Variants in PRMT3 observed in about 807,000 individuals in gnomAD.
PRMT3 encodes protein arginine N-methyltransferase 3.
PRMT3 carries 62 observed loss-of-function variants against 71.9 expected under a neutral mutation model. The observed-to-expected ratio is 0.86, with a 90% CI of 0.70 to 1.07. The LOEUF is 1.07. PRMT3 is among the 50% of genes least tolerant of loss of function. The pLI is 0.00. For synonymous variants in PRMT3, 213 were observed against 220.4 expected (o/e 0.97, Z 0.30); for missense variants, 663 against 643.0 (o/e 1.03, Z -0.34).
At chr11:20,439,147 T>C (rs1427972915) in intron 10 of PRMT3, among the ~76,000 whole-genome samples, 1 of 151,950 alleles carries the variant, frequency 6.6e-6, no homozygotes, top group Non-Finnish European at 1.5e-5. Flanking sequence ...CAGGACAGAG[T>C]GTCATTTTCC....
chr11:20,498,759 CTG>C (rs1302618918), intron 15 of PRMT3, among the ~76,000 whole-genome samples: 2 of 152,112 alleles, frequency 1.3e-5, no homozygotes, highest in African/African-American at 2.4e-5. Context: ...TCATCAAAAA[CTG>C]TGTAGGAAAG....
At position 20,395,742 on chromosome 11, in the gene PRMT3, T is replaced by C. The variant is rs1284408258; in HGVS notation, c.401-61T>C. 2.7e-6 allele frequency: 4 copies of C among 1,500,926 alleles called. No homozygotes were observed. The African/African-American group carries it at 5.6e-5, about 21-fold the overall frequency. The allele number at this position is 1,500,926 out of a possible 1,614,324, so 93.0% of individuals were successfully genotyped here. ...ACTTAGGGCGTATTTATTCCTAACA[T>C]ATTTATACTTGTTTTATTGTTATAA... On this transcript the variant is annotated intron_variant, in intron 5 of 15. Transcript: ENST00000331079.
chr11:20,407,157 C>T (rs1299513275), intron 8 of PRMT3: 1 of 152,140 alleles, frequency 6.6e-6, no homozygotes, highest in Non-Finnish European at 1.5e-5. Context: ...TTGATCTTCC[C>T]AGACAGTATC....
At chr11:20,409,654 AACACACAC>A (rs60686099) in intron 9 of PRMT3, among the ~76,000 whole-genome samples, 7,171 of 144,316 alleles carry the variant, frequency 0.05, 224 homozygotes, top group East Asian at 0.17. Flanking sequence ...GGAATACACA[AACACACAC>A]ACACACACAC....
chr11:20,396,869 C>T (rs1449416650), intron 6 of PRMT3, among the ~76,000 whole-genome samples: 1 of 152,208 alleles, frequency 6.6e-6, no homozygotes, highest in Non-Finnish European at 1.5e-5. Flanking sequence ...GTATACCTCA[C>T]AGGCCTTCCT....
intron 13 of PRMT3, among the ~76,000 whole-genome samples, chr11:20,478,323 A>G (rs1850846151): frequency 1.3e-5 from 2 of 151,888 alleles, no homozygotes; most frequent in Non-Finnish European, 2.9e-5. Flanking sequence ...CTGGGCCTAC[A>G]TATTTAGAAT....
intron 13 of PRMT3, among the ~76,000 whole-genome samples, chr11:20,471,343 T>C (rs1476071400): frequency 6.6e-6 from 1 of 152,220 alleles, no homozygotes; most frequent in Non-Finnish European, 1.5e-5. Context: ...GTTTTTATAG[T>C]TTTGGGTTTT....
At chr11:20,403,906 C>T (rs1486460887) in intron 8 of PRMT3, among the ~76,000 whole-genome samples, 1 of 151,896 alleles carries the variant, frequency 6.6e-6, no homozygotes, top group Non-Finnish European at 1.5e-5. Flanking sequence ...TTTAAAAATC[C>T]TTTTTCCTGA....
chr11:20,392,420 A>G (rs1394655974), intron 4 of PRMT3, among the ~76,000 whole-genome samples, 160 bp downstream of exon 4: 1 of 152,228 alleles, frequency 6.6e-6, no homozygotes, highest in African/African-American at 2.4e-5. Flanking sequence ...CACAGCAGAA[A>G]GCACCATGTA....
chr11:20,395,491 G>A (rs1315194237), intron 5 of PRMT3, among the ~76,000 whole-genome samples: 3 of 151,502 alleles, frequency 2.0e-5, no homozygotes, highest in East Asian at 1.9e-4. Flanking sequence ...CTAAAGGCTC[G>A]CATCACCAGA....
intron 13 of PRMT3, among the ~76,000 whole-genome samples, chr11:20,484,138 GC>G (rs1378163901): frequency 6.6e-6 from 1 of 152,150 alleles, no homozygotes; most frequent in East Asian, 1.9e-4. Context: ...TAGATAGCAT[GC>G]CCAGGCATGC....
chr11:20,404,581 T>G (rs1370091853), intron 8 of PRMT3, among the ~76,000 whole-genome samples: 1 of 152,184 alleles, frequency 6.6e-6, no homozygotes, highest in Non-Finnish European at 1.5e-5. Context: ...TTATTTAATG[T>G]TTGTCTAAAA....
chr11:20,484,958 T>C (rs76892306), intron 13 of PRMT3, among the ~76,000 whole-genome samples: 4,624 of 152,328 alleles, frequency 0.03, 233 homozygotes, highest in African/African-American at 0.11. Context: ...TTTTGCCCTA[T>C]AGGCATTTAC....
chr11:20,443,173 C>A (rs1251357732), intron 10 of PRMT3, among the ~76,000 whole-genome samples: 1 of 152,166 alleles, frequency 6.6e-6, no homozygotes, highest in Middle Eastern at 3.2e-3. Context: ...GTTTTTCCTG[C>A]CACCCAGGCA....
chr11:20,502,562 C>CTAA (rs984330746), intron 15 of PRMT3, among the ~76,000 whole-genome samples: 10 of 152,270 alleles, frequency 6.6e-5, no homozygotes, highest in African/African-American at 2.4e-4. Flanking sequence ...ATATCCATTA[C>CTAA]TAATTCATTT....
intron 10 of PRMT3, among the ~76,000 whole-genome samples, chr11:20,448,743 A>G (rs1174214180): frequency 2.0e-5 from 3 of 152,204 alleles, no homozygotes; most frequent in African/African-American, 4.8e-5. Context: ...TCCCACTTCA[A>G]TGAATGAAGT....
chr11:20,480,368 G>C (rs961024023), intron 13 of PRMT3, among the ~76,000 whole-genome samples: 1 of 152,110 alleles, frequency 6.6e-6, no homozygotes, highest in South Asian at 2.1e-4. Flanking sequence ...TTTTTTGCTT[G>C]TATATAGTAC....
At chr11:20,464,622 A>C in intron 13 of PRMT3, 76 bp downstream of exon 13, 1 of 1,573,348 alleles carries the variant, frequency 6.4e-7, no homozygotes, top group East Asian at 2.3e-5. Context: ...TTTAATTACC[A>C]GGCTTGTGAC....
At chr11:20,456,776 A>G (rs563944921) in intron 11 of PRMT3, among the ~76,000 whole-genome samples, 1 of 152,202 alleles carries the variant, frequency 6.6e-6, no homozygotes, top group African/African-American at 2.4e-5. Flanking sequence ...TGAATTTATC[A>G]ATTTGGAATT....
Sources: gnomAD v4.1 joint callset for allele counts (sites outside exome capture counted in the v4.1 genomes callset) on GRCh38, gnomAD v4.1.1 for gene constraint, MANE v1.5 for transcripts, NCBI Gene and HGNC (gene_info 2026-07-23, HGNC 2026-07-21) for gene names.